The following RAB31 variants were observed in gnomAD, a reference collection of about 807,000 sequenced individuals.
The protein encoded by RAB31 is ras-related protein Rab-31.
In RAB31, 21 loss-of-function variants were observed where a neutral mutation model predicts 25.6. That is an observed-to-expected ratio of 0.82 (90% CI 0.58 to 1.18). The LOEUF is 1.18. Among genes scored for constraint, RAB31 ranks in the 50% most tolerant of loss-of-function variants. RAB31 has a pLI of 0.00. For synonymous variants in RAB31, 87 were observed against 84.0 expected, an observed-to-expected ratio of 1.04 and a Z score of -0.20; for missense variants, 196 against 250.1, an observed-to-expected ratio of 0.78 and a Z score of 1.46.
chr18:9,718,353 G>A (rs1210509994), intron 1 of RAB31, among the ~76,000 whole-genome samples: 1 of 152,080 alleles, frequency 6.6e-6, no homozygotes, highest in African/African-American at 2.4e-5. Flanking sequence ...TCTGCCTCCT[G>A]GGTTCAAGCA....
chr18:9,777,312 G>A (rs1329920963), intron 2 of RAB31, among the ~76,000 whole-genome samples: 2 of 152,184 alleles, frequency 1.3e-5, no homozygotes, highest in Admixed American at 6.5e-5. Flanking sequence ...GCAACAGAGC[G>A]AGACTTCATC....
Position 9,834,747 on chromosome 18 carries a change from G to A in RAB31, c.381-10835G>A, listed in dbSNP as rs1184746199. Reference sequence around the variant, plus strand: ...GGGGGAAGGATGCTAAAAGCCATCAGCTACTGAGTGATTAAACAGAGTGGT... The same window carrying A: ...GGGGGAAGGATGCTAAAAGCCATCAACTACTGAGTGATTAAACAGAGTGGT... On this transcript the variant is annotated intron_variant, in intron 5 of 6. Transcript: ENST00000578921. Among the ~76,000 whole-genome samples the A allele has an allele frequency of 2.0e-5, 3 of 152,336 alleles. No individual in the cohort carries two copies. In the East Asian group the frequency reaches 5.8e-4, roughly 29 times the overall value.
intron 5 of RAB31, among the ~76,000 whole-genome samples, chr18:9,826,934 T>A (rs1475212856): frequency 6.6e-6 from 1 of 152,138 alleles, no homozygotes; most frequent in Non-Finnish European, 1.5e-5. Context: ...TCCCTCACAC[T>A]TCCTCTGACA....
chr18:9,806,331 T>C (rs371040988), intron 3 of RAB31, among the ~76,000 whole-genome samples: 3 of 152,314 alleles, frequency 2.0e-5, no homozygotes, highest in Admixed American at 6.5e-5. Context: ...CATTAAATAT[T>C]TGTCGAGTCC....
intron 1 of RAB31, among the ~76,000 whole-genome samples, chr18:9,764,473 C>T (rs1347447820): frequency 2.0e-5 from 3 of 152,128 alleles, no homozygotes; most frequent in Admixed American, 2.0e-4. Flanking sequence ...GTTACAGGCC[C>T]ACTGGGAGAA....
intron 6 of RAB31, among the ~76,000 whole-genome samples, chr18:9,856,665 T>C (rs925316804): frequency 3.3e-5 from 5 of 152,184 alleles, no homozygotes; most frequent in Non-Finnish European, 7.4e-5. Flanking sequence ...TACTGATAAG[T>C]AAACAGCTCT....
chr18:9,750,094 G>C (rs11663323), intron 1 of RAB31, among the ~76,000 whole-genome samples: 32,794 of 152,120 alleles, frequency 0.22, 3,808 homozygotes, highest in African/African-American at 0.3. Context: ...TACAGGGTGA[G>C]TCTATTTTGT....
At position 9,792,168 on chromosome 18, in the gene RAB31, C is replaced by G. The variant is rs759486598; in HGVS notation, c.134C>G (p.Thr45Ser). 6.2e-7 allele frequency: 1 copy of G among 1,611,076 alleles called. No homozygotes were observed. The highest frequency in any genetic ancestry group is 8.5e-7 in the Non-Finnish European group (1 of 1,178,624). Reference protein sequence around the residue: ...ISPTIGASFMTKTVPCGNELH... With the variant: ...ISPTIGASFMSKTVPCGNELH... ...TCTTTTTTCAGGGCATCTTTTATGA[C>G]CAAAACTGTGCCTTGTGGAAATGAA... Residue 45 changes from threonine (T) to serine (S), a missense_variant, in exon 3 of 7, where the codon ACC (threonine) becomes AGC (serine). Coordinates refer to ENST00000578921, the MANE Select transcript of RAB31 (RefSeq NM_006868.4).
At chr18:9,805,946 G>A (rs1193167433) in intron 3 of RAB31, among the ~76,000 whole-genome samples, 2 of 152,070 alleles carry the variant, frequency 1.3e-5, no homozygotes, top group Non-Finnish European at 2.9e-5. Context: ...AGGCCGAGGC[G>A]GGCGGATCAC....
intron 6 of RAB31, among the ~76,000 whole-genome samples, chr18:9,846,215 A>C (rs1305414692): frequency 1.3e-5 from 2 of 152,184 alleles, no homozygotes; most frequent in South Asian, 4.1e-4. Context: ...AGGGAGGGTG[A>C]CAGCCTCCTT....
At position 9,861,590 on chromosome 18, in the gene RAB31, T is replaced by C. The variant is rs1485859441; in HGVS notation, c.*2265T>C. The C allele has an allele frequency of 2.0e-5, 3 of 152,196 alleles. No individual in the cohort carries two copies. The highest frequency in any genetic ancestry group is 7.2e-5 in the African/African-American group (3 of 41,434). The allele number at this position is 152,196 out of a possible 1,614,324, so 9.4% of individuals were successfully genotyped here. Reference sequence around the variant, plus strand: ...TACAATGAGGCTTTACAACCTTCCTTTGTTTTGGCTCGGGATTACTTCCTG... The same window carrying C: ...TACAATGAGGCTTTACAACCTTCCTCTGTTTTGGCTCGGGATTACTTCCTG... On this transcript the variant is annotated 3_prime_UTR_variant, in exon 7 of 7. Transcript: ENST00000578921.
intron 5 of RAB31, among the ~76,000 whole-genome samples, chr18:9,836,169 T>C (rs970700456): frequency 3.3e-5 from 5 of 152,118 alleles, no homozygotes; most frequent in Admixed American, 3.3e-4. Flanking sequence ...TCTTTTATGC[T>C]TGACCTTGGA....
Position 9,785,069 on chromosome 18 carries a change from G to A in RAB31, c.120-7085G>A, listed in dbSNP as rs181633328. ...CCGATGTTACTTGGGAAGAAGCCTG[G>A]AAGAGGAGGAAGAGGAAAGAAAAAG... is the stretch of plus-strand genomic sequence containing the variant. On this transcript the variant is annotated intron_variant, in intron 2 of 6. Coordinates refer to ENST00000578921, the MANE Select transcript of RAB31 (RefSeq NM_006868.4). 319 of 152,572 alleles carry A rather than the reference G, an allele frequency of 2.1e-3. 4 individuals carry two copies. Among genetic ancestry groups the A allele is most frequent in the Non-Finnish European group, 2.1e-4 (14 of 68,144 alleles). 9.5% of individuals were successfully genotyped at this position (152,572 alleles called of 1,614,324 possible). A position where few individuals can be genotyped will look rare whatever the true frequency, so the allele number is the denominator to read the frequency against.
chr18:9,760,848 G>A (rs902557846), intron 1 of RAB31, among the ~76,000 whole-genome samples: 15 of 152,200 alleles, frequency 9.9e-5, no homozygotes, highest in African/African-American at 3.6e-4. Flanking sequence ...TGTGTGGAAA[G>A]GATATCAAAT....
At chr18:9,784,901 G>T (rs1038736440) in intron 2 of RAB31, among the ~76,000 whole-genome samples, 1 of 152,120 alleles carries the variant, frequency 6.6e-6, no homozygotes, top group Non-Finnish European at 1.5e-5. Flanking sequence ...AAGATTTCCA[G>T]GATATATAAA....
chr18:9,753,868 A>C (rs894171167), intron 1 of RAB31, among the ~76,000 whole-genome samples: 25 of 152,232 alleles, frequency 1.6e-4, no homozygotes, highest in African/African-American at 6.0e-4. Context: ...TACGAGCTGT[A>C]ATTCCTAAAA....
chr18:9,841,075 C>T (rs60181014), intron 5 of RAB31, among the ~76,000 whole-genome samples: 6,717 of 152,158 alleles, frequency 0.044, 185 homozygotes, highest in East Asian at 0.089. Context: ...AGTCCACAAG[C>T]ACACACCATC....
At chr18:9,734,102 A>AGGAGGAGGGAG (rs1453203026) in intron 1 of RAB31, among the ~76,000 whole-genome samples, 13 of 49,068 alleles carry the variant, frequency 2.6e-4, no homozygotes, top group Non-Finnish European at 4.1e-4. Flanking sequence ...GGTGGCGGGG[A>AGGAGGAGGGAG]GGAGGGAGGG....
At chr18:9,794,030 C>T (rs775827541) in intron 3 of RAB31, among the ~76,000 whole-genome samples, 1 of 152,130 alleles carries the variant, frequency 6.6e-6, no homozygotes, top group Non-Finnish European at 1.5e-5. Context: ...GTAGCAGGGA[C>T]CACAGGTGCT....
Sources: gnomAD v4.1 joint callset for allele counts (sites outside exome capture counted in the v4.1 genomes callset) on GRCh38, gnomAD v4.1.1 for gene constraint, MANE v1.5 for transcripts, NCBI Gene and HGNC (gene_info 2026-07-23, HGNC 2026-07-21) for gene names.